Variants in CLIC5 observed in about 807,000 individuals in gnomAD.
CLIC5 encodes the protein chloride intracellular channel protein 5.
A neutral mutation model predicts 24.7 loss-of-function variants in CLIC5; 20 were observed. The ratio of observed to expected loss-of-function variants is 0.81; its 90% CI spans 0.57 to 1.18. The LOEUF is 1.18. Ranked by LOEUF, CLIC5 falls within the 50% of genes most tolerant of loss-of-function variation. The pLI, the probability that CLIC5 is intolerant of heterozygous loss-of-function variation, is 0.00. For synonymous variants in CLIC5, 159 were observed against 135.6 expected (o/e 1.17, Z -1.20); for missense variants, 341 against 326.1 (o/e 1.05, Z -0.35).
intron 1 of CLIC5, among the ~76,000 whole-genome samples, chr6:45,958,445 T>TACTCACACACACACACACACACACACAC (rs1414421064): frequency 3.9e-5 from 3 of 76,466 alleles, no homozygotes; most frequent in African/African-American, 1.4e-4. Context: ...TATATATATA[T>TACTCACACACACACACACACACACACAC]ATATATATAT....
intron 1 of CLIC5, among the ~76,000 whole-genome samples, chr6:46,054,962 G>C (rs918928107): frequency 2.0e-5 from 3 of 152,142 alleles, no homozygotes; most frequent in African/African-American, 7.2e-5. Flanking sequence ...CTTCACAAAG[G>C]GTCCTTTTTT....
At chr6:45,974,085 G>A (rs1437665143) in intron 1 of CLIC5, among the ~76,000 whole-genome samples, 1 of 152,170 alleles carries the variant, frequency 6.6e-6, no homozygotes, top group African/African-American at 2.4e-5. Flanking sequence ...AATAAGAACA[G>A]TGTGATCCCT....
chr6:45,937,151 A>G (rs1383244864), intron 4 of CLIC5, among the ~76,000 whole-genome samples: 7 of 152,216 alleles, frequency 4.6e-5, no homozygotes, highest in African/African-American at 1.7e-4. Flanking sequence ...ACCATGCACC[A>G]ACAAAGTTTA....
At chr6:45,939,217 C>CTTTTTTTTTTTTTTTTTTTTTTTT (rs34976541) in intron 4 of CLIC5, among the ~76,000 whole-genome samples, 1 of 115,782 alleles carries the variant, frequency 8.6e-6, no homozygotes. Flanking sequence ...CTCCTCTCCT[C>CTTTTTTTTTTTTTTTTTTTTTTTT]TTTTTTTTTT....
chr6:46,060,646 G>A, intron 1 of CLIC5, among the ~76,000 whole-genome samples: 1 of 152,150 alleles, frequency 6.6e-6, no homozygotes, highest in South Asian at 2.1e-4. Flanking sequence ...TCTTAAAGCA[G>A]CACAGGATTG....
At chr6:45,968,295 G>T (rs1398232120) in intron 1 of CLIC5, among the ~76,000 whole-genome samples, 1 of 152,092 alleles carries the variant, frequency 6.6e-6, no homozygotes, top group Non-Finnish European at 1.5e-5. Flanking sequence ...TGAATTGTTG[G>T]TAACTGCTAA....
chr6:46,024,021 A>G (rs1313349298), intron 1 of CLIC5, among the ~76,000 whole-genome samples: 2 of 152,144 alleles, frequency 1.3e-5, no homozygotes, highest in Admixed American at 1.3e-4. Context: ...AAAAGGGAAT[A>G]GCATTAAAGA....
intron 1 of CLIC5, among the ~76,000 whole-genome samples, chr6:45,965,451 G>GT (rs1342165365): frequency 1.3e-5 from 2 of 152,186 alleles, no homozygotes; most frequent in African/African-American, 4.8e-5. Context: ...TTCTATTGAA[G>GT]TTTATTGGAA....
intron 3 of CLIC5, among the ~76,000 whole-genome samples, chr6:45,948,413 C>T (rs1390867134): frequency 6.6e-6 from 1 of 152,166 alleles, no homozygotes; most frequent in Non-Finnish European, 1.5e-5. Context: ...TACCGACTTC[C>T]CTCAACCTCT....
intron 1 of CLIC5, among the ~76,000 whole-genome samples, chr6:46,064,297 A>C (rs948644969): frequency 1.3e-5 from 2 of 152,116 alleles, no homozygotes; most frequent in African/African-American, 4.8e-5. Flanking sequence ...CAAGGGGAAA[A>C]ACCTTCCCAC....
intron 6 of CLIC5, among the ~76,000 whole-genome samples, chr6:45,884,717 C>A (rs1276055986): frequency 6.6e-6 from 1 of 152,116 alleles, no homozygotes; most frequent in African/African-American, 2.4e-5. Context: ...CTGGTCATGG[C>A]AGGTAGACTA....
At chr6:46,068,284 C>T (rs1288797313) in intron 1 of CLIC5, among the ~76,000 whole-genome samples, 1 of 152,092 alleles carries the variant, frequency 6.6e-6, no homozygotes, top group Admixed American at 6.5e-5. Flanking sequence ...TGTTTTAAAA[C>T]ACCATGTTTT....
At chr6:46,059,889 A>G (rs1045236405) in intron 1 of CLIC5, among the ~76,000 whole-genome samples, 1 of 152,240 alleles carries the variant, frequency 6.6e-6, no homozygotes, top group South Asian at 2.1e-4. Flanking sequence ...ATGTTTGGTC[A>G]GACCAATGTC....
intron 1 of CLIC5, among the ~76,000 whole-genome samples, chr6:45,993,440 A>G (rs1766013714): frequency 6.6e-6 from 1 of 152,228 alleles, no homozygotes; most frequent in Non-Finnish European, 1.5e-5. Context: ...TTACAAAAAG[A>G]GTTGTAGGAA....
chr6:45,945,139 A>G (rs1189254457), intron 3 of CLIC5, among the ~76,000 whole-genome samples: 1 of 152,164 alleles, frequency 6.6e-6, no homozygotes, highest in Non-Finnish European at 1.5e-5. Context: ...GACAGACCCA[A>G]AACAGGCACT....
chr6:46,040,502 A>G (rs1355049552), intron 1 of CLIC5, among the ~76,000 whole-genome samples: 1 of 151,870 alleles, frequency 6.6e-6, no homozygotes, highest in African/African-American at 2.4e-5. Flanking sequence ...GGGCTTGATG[A>G]TGATGATGGT....
At chr6:46,011,943 A>G (rs553520450) in intron 1 of CLIC5, among the ~76,000 whole-genome samples, 2 of 152,332 alleles carry the variant, frequency 1.3e-5, no homozygotes, top group East Asian at 3.9e-4. Flanking sequence ...AGGTCCAGAA[A>G]GGTTCAGTCT....
intron 1 of CLIC5, among the ~76,000 whole-genome samples, chr6:46,021,925 A>T (rs1767195767): frequency 1.3e-5 from 2 of 152,240 alleles, no homozygotes; most frequent in Non-Finnish European, 2.9e-5. Flanking sequence ...CTGTATGCAA[A>T]TTTAAAAAAT....
intron 1 of CLIC5, among the ~76,000 whole-genome samples, chr6:46,060,065 TA>T (rs1053555287): frequency 4.6e-5 from 7 of 151,290 alleles, no homozygotes; most frequent in Non-Finnish European, 2.9e-5. Context: ...ATATTAAAAA[TA>T]AAAAAATTAA....
Sources: gnomAD v4.1 joint callset for allele counts (sites outside exome capture counted in the v4.1 genomes callset) on GRCh38, gnomAD v4.1.1 for gene constraint, MANE v1.5 for transcripts, NCBI Gene and HGNC (gene_info 2026-07-23, HGNC 2026-07-21) for gene names.